Variants in PID1 observed in about 807,000 individuals in gnomAD.
The protein encoded by PID1 is PTB-containing, cubilin and LRP1-interacting protein.
In PID1, 10 loss-of-function variants were observed where a neutral mutation model predicts 19.1. The ratio of observed to expected loss-of-function variants is 0.52; its 90% CI spans 0.32 to 0.89. The LOEUF (loss-of-function observed/expected upper bound fraction) is 0.89, where lower values mean the gene tolerates loss of function less well. Ranked by LOEUF, PID1 falls within the 40% of genes least tolerant of loss-of-function variation. PID1 has a pLI of 0.03. For synonymous variants in PID1, 130 were observed against 116.0 expected, an observed-to-expected ratio of 1.12 and a Z score of -0.78; for missense variants, 248 against 285.3, an observed-to-expected ratio of 0.87 and a Z score of 0.94.
chr2:229,027,432 G>C (rs1386369018), intron 2 of PID1, among the ~76,000 whole-genome samples: 1 of 152,170 alleles, frequency 6.6e-6, no homozygotes, highest in African/African-American at 2.4e-5. Flanking sequence ...CACAGTCTTT[G>C]AGGCAGGTGA....
intron 1 of PID1, among the ~76,000 whole-genome samples, chr2:229,243,826 C>A (rs188891237): frequency 4.6e-5 from 7 of 152,038 alleles, no homozygotes; most frequent in Non-Finnish European, 1.0e-4. Flanking sequence ...TATTTTTACA[C>A]AAAGTTACAT....
chr2:229,062,753 T>C (rs1380936546), intron 2 of PID1, among the ~76,000 whole-genome samples: 1 of 152,008 alleles, frequency 6.6e-6, no homozygotes, highest in Admixed American at 6.6e-5. Flanking sequence ...CAAAGTCGTC[T>C]GGCCCTGGGC....
At chr2:229,090,264 A>G (rs1694845199) in intron 2 of PID1, among the ~76,000 whole-genome samples, 1 of 152,236 alleles carries the variant, frequency 6.6e-6, no homozygotes, top group Non-Finnish European at 1.5e-5. Flanking sequence ...TCTGGAAAAA[A>G]CAGTTCAAGT....
At chr2:229,229,561 A>C (rs542598735) in intron 1 of PID1, among the ~76,000 whole-genome samples, 13 of 152,224 alleles carry the variant, frequency 8.5e-5, no homozygotes, top group Non-Finnish European at 1.8e-4. Context: ...GCCTGAGCCC[A>C]GGAAGTTGAG....
At chr2:229,030,685 C>T (rs919343217) in intron 2 of PID1, among the ~76,000 whole-genome samples, 7 of 151,946 alleles carry the variant, frequency 4.6e-5, no homozygotes, top group Non-Finnish European at 7.4e-5. Flanking sequence ...AAGTTGTAGA[C>T]GATTCACTCC....
intron 2 of PID1, among the ~76,000 whole-genome samples, chr2:229,128,405 T>C (rs1695668773): frequency 6.6e-6 from 1 of 152,200 alleles, no homozygotes; most frequent in South Asian, 2.1e-4. Context: ...CTCTCTGATG[T>C]GGGTATAACT....
chr2:229,200,051 C>G (rs538918362), intron 1 of PID1, among the ~76,000 whole-genome samples: 1 of 151,936 alleles, frequency 6.6e-6, no homozygotes, highest in East Asian at 1.9e-4. Context: ...GAAAGAAGCA[C>G]AGGTTCCGGC....
chr2:229,224,128 G>C (rs1692029181), intron 1 of PID1, among the ~76,000 whole-genome samples: 2 of 152,142 alleles, frequency 1.3e-5, no homozygotes, highest in Non-Finnish European at 2.9e-5. Flanking sequence ...CATTTGTATG[G>C]CTATGTAGTA....
chr2:229,133,509 T>C (rs1218932288), intron 2 of PID1, among the ~76,000 whole-genome samples: 2 of 152,236 alleles, frequency 1.3e-5, no homozygotes, highest in African/African-American at 2.4e-5. Flanking sequence ...CCCTTTGAGA[T>C]ACACAACCCA....
chr2:229,078,348 G>C (rs540145725), intron 2 of PID1, among the ~76,000 whole-genome samples: 1 of 152,322 alleles, frequency 6.6e-6, no homozygotes, highest in African/African-American at 2.4e-5. Context: ...TGCAAACAGA[G>C]ATAATGTGAC....
chr2:229,199,024 C>T (rs1220110711), intron 1 of PID1, among the ~76,000 whole-genome samples: 2 of 152,030 alleles, frequency 1.3e-5, no homozygotes, highest in Non-Finnish European at 2.9e-5. Flanking sequence ...CCTGACTTTT[C>T]TAACCTCATT....
Position 229,142,386 on chromosome 2 carries a change from C to A in PID1, c.177+13432G>T, listed in dbSNP as rs184450374. ...TGGCAAATTGTCCTTCAATATGTAT[C>A]GCCTCTCCTTCTCAAAGTCTACTAA... is the stretch of plus-strand genomic sequence containing the variant. On this transcript the variant is annotated intron_variant, in intron 2 of 2. Transcript: ENST00000392055. Among the ~76,000 whole-genome samples the A allele has an allele frequency of 5.3e-5, 8 of 152,002 alleles. 1 individual carries two copies. Among genetic ancestry groups the A allele is most frequent in the Admixed American group, 5.2e-4 (8 of 15,240 alleles).
chr2:229,174,087 T>A (rs1559268949), intron 1 of PID1, among the ~76,000 whole-genome samples: 2 of 152,114 alleles, frequency 1.3e-5, no homozygotes, highest in African/African-American at 4.8e-5. Flanking sequence ...TGCACATAAT[T>A]CCTTATCTCA....
At chr2:229,103,383 G>T (rs1490198045) in intron 2 of PID1, among the ~76,000 whole-genome samples, 8 of 152,094 alleles carry the variant, frequency 5.3e-5, no homozygotes. Flanking sequence ...AAGCCCCAAG[G>T]CATGTTGGAT....
chr2:229,125,214 G>A (rs1273050145), intron 2 of PID1, among the ~76,000 whole-genome samples: 1 of 152,094 alleles, frequency 6.6e-6, no homozygotes, highest in African/African-American at 2.4e-5. Context: ...CACTGTTACT[G>A]AATTCTATGA....
chr2:229,257,114 C>T lies in PID1; in HGVS notation c.30+13900G>A, dbSNP rs1690321692. On this transcript the variant is annotated intron_variant, in intron 1 of 2. Transcript: ENST00000392055. Reference sequence around the variant, plus strand: ...GTGGCTTTAGATCTGCTTTTATGATCCCTCAAAGTGTCCAAGCTCTTCCTC... The same window carrying T: ...GTGGCTTTAGATCTGCTTTTATGATTCCTCAAAGTGTCCAAGCTCTTCCTC... 2.0e-5 allele frequency among the ~76,000 whole-genome samples: 3 copies of T among 152,312 alleles called. No homozygotes were observed. In the South Asian group the frequency reaches 6.2e-4, roughly 32 times the overall value.
At chr2:229,078,820 T>G (rs1694613491) in intron 2 of PID1, among the ~76,000 whole-genome samples, 1 of 152,210 alleles carries the variant, frequency 6.6e-6, no homozygotes, top group East Asian at 1.9e-4. Context: ...GTGAGTGTTC[T>G]CTGTGGCTGA....
chr2:229,067,389 T>C (rs113962170), intron 2 of PID1, among the ~76,000 whole-genome samples: 122 of 152,214 alleles, frequency 8.0e-4, no homozygotes, highest in African/African-American at 2.8e-3. Flanking sequence ...CCGGAAAGGA[T>C]TATATATGAT....
chr2:229,047,724 G>C (rs1438030068), intron 2 of PID1, among the ~76,000 whole-genome samples: 1 of 152,164 alleles, frequency 6.6e-6, no homozygotes, highest in Non-Finnish European at 1.5e-5. Context: ...GAAGAACAGA[G>C]AGGTTAAGTC....
Sources: gnomAD v4.1 joint callset for allele counts (sites outside exome capture counted in the v4.1 genomes callset) on GRCh38, gnomAD v4.1.1 for gene constraint, MANE v1.5 for transcripts, NCBI Gene and HGNC (gene_info 2026-07-23, HGNC 2026-07-21) for gene names.